Variants in CFAP91 observed in about 807,000 individuals in gnomAD.
CFAP91 encodes the protein cilia- and flagella-associated protein 91.
Under a neutral mutation model 95.9 loss-of-function variants are expected in CFAP91, and 85 were observed. That is an observed-to-expected ratio of 0.89 (90% CI 0.74 to 1.06). The LOEUF (loss-of-function observed/expected upper bound fraction) is 1.06. CFAP91 is among the 50% of genes least tolerant of loss of function. CFAP91 has a pLI of 0.00. For synonymous variants in CFAP91, 335 were observed against 327.5 expected (o/e 1.02, Z -0.25); for missense variants, 962 against 943.4 (o/e 1.02, Z -0.26).
At chr3:119,757,984 T>C (rs1204023631) in intron 17 of CFAP91, among the ~76,000 whole-genome samples, 2 of 152,232 alleles carry the variant, frequency 1.3e-5, no homozygotes, top group Non-Finnish European at 2.9e-5. Flanking sequence ...CTCAGTTCCA[T>C]GGACTTAACC....
rs2054607660 is a variant in CFAP91, at chr3:119,765,251, G to A, written c.*201G>A. 6.6e-6 allele frequency: 1 copy of A among 152,086 alleles called. No homozygotes were observed. Among genetic ancestry groups the A allele is most frequent in the Non-Finnish European group, 1.5e-5 (1 of 68,014 alleles). The allele number at this position is 152,086 out of a possible 1,614,324, so 9.4% of individuals were successfully genotyped here. A position where few individuals can be genotyped will look rare whatever the true frequency, so the allele number is the denominator to read the frequency against. On this transcript the variant is annotated 3_prime_UTR_variant, in exon 18 of 18. Transcript: ENST00000273390. ...AAATGAAAAAGCTTCATTCTCTTCA[G>A]TGTCTTCTAGATGCCCTACTTAAAG... is the stretch of plus-strand genomic sequence containing the variant.
chr3:119,758,769 G>A (rs902549128), intron 17 of CFAP91, among the ~76,000 whole-genome samples: 4 of 152,028 alleles, frequency 2.6e-5, no homozygotes, highest in African/African-American at 9.7e-5. Flanking sequence ...ATAGGGATGA[G>A]ATGAGATAGG....
chr3:119,733,252 C>G (rs2107889101), intron 9 of CFAP91, 112 bp from the exon 10 acceptor site: 2 of 1,082,342 alleles, frequency 1.8e-6, no homozygotes, highest in East Asian at 5.1e-5. Context: ...GATACACCCT[C>G]TCAACAATTC....
intron 17 of CFAP91, among the ~76,000 whole-genome samples, chr3:119,756,038 T>C (rs2054420765): frequency 6.6e-6 from 1 of 152,180 alleles, no homozygotes; most frequent in Non-Finnish European, 1.5e-5. Context: ...GGAGATCATA[T>C]GGAATACGAA....
At chr3:119,738,219 T>G (rs1018434255) in intron 11 of CFAP91, among the ~76,000 whole-genome samples, 11 of 151,814 alleles carry the variant, frequency 7.2e-5, no homozygotes, top group Admixed American at 3.3e-4. Context: ...TTACTACCTC[T>G]GATGAGTGGC....
intron 6 of CFAP91, among the ~76,000 whole-genome samples, chr3:119,724,121 T>G (rs2053735286): frequency 6.7e-6 from 1 of 148,540 alleles, no homozygotes; most frequent in African/African-American, 2.5e-5. Context: ...GGAGCCGAGA[T>G]CGTGCCATTG....
chr3:119,716,582 T>G (rs2107864979), intron 6 of CFAP91, among the ~76,000 whole-genome samples: 1 of 152,312 alleles, frequency 6.6e-6, no homozygotes, highest in South Asian at 2.1e-4. Flanking sequence ...GATTAAGCAT[T>G]ATCAACACCC....
At chr3:119,739,207 G>A in intron 11 of CFAP91, 48 bp from the exon 12 acceptor site, 1 of 1,449,296 alleles carries the variant, frequency 6.9e-7, no homozygotes, top group Non-Finnish European at 9.7e-7. Flanking sequence ...TTTGATGCTT[G>A]GACTACTGCA....
intron 10 of CFAP91, among the ~76,000 whole-genome samples, chr3:119,735,817 CT>C (rs1029507814): frequency 6.6e-6 from 1 of 152,096 alleles, no homozygotes; most frequent in African/African-American, 2.4e-5. Context: ...TCAGCCAATA[CT>C]TTTTTACTTT....
At chr3:119,731,852 G>C (rs1323725145) in intron 8 of CFAP91, among the ~76,000 whole-genome samples, 2 of 152,218 alleles carry the variant, frequency 1.3e-5, no homozygotes, top group East Asian at 3.8e-4. Context: ...AGCTGAGACA[G>C]TCTTTGGTTT....
intron 2 of CFAP91, 166 bp downstream of exon 2, chr3:119,707,051 C>A: frequency 3.3e-6 from 2 of 600,146 alleles, no homozygotes; most frequent in South Asian, 4.3e-5. Context: ...ATACGTGTGG[C>A]TCATTGTGAG....
At chr3:119,728,398 C>T (rs2053827608) in intron 7 of CFAP91, among the ~76,000 whole-genome samples, 1 of 152,162 alleles carries the variant, frequency 6.6e-6, no homozygotes, top group Non-Finnish European at 1.5e-5. Flanking sequence ...CCAGATTATG[C>T]TGCACTCTTA....
chr3:119,766,942 C>G lies in CFAP91; in HGVS notation c.*1892C>G, dbSNP rs952717488. The G allele has an allele frequency of 2.0e-5, 3 of 152,156 alleles. No homozygotes were observed. Among genetic ancestry groups the G allele is most frequent in the Non-Finnish European group, 2.9e-5 (2 of 68,028 alleles). The allele number at this position is 152,156 out of a possible 1,614,324, so 9.4% of individuals were successfully genotyped here. A position where few individuals can be genotyped will look rare whatever the true frequency, so the allele number is the denominator to read the frequency against. Reference sequence around the variant, plus strand: ...GGAAAATACAAGTTGTTATACAATTCTCATTGACTAATTGAAGTTTACTAG... The same window carrying G: ...GGAAAATACAAGTTGTTATACAATTGTCATTGACTAATTGAAGTTTACTAG... On this transcript the variant is annotated 3_prime_UTR_variant, in exon 18 of 18. Coordinates refer to ENST00000273390, the MANE Select transcript of CFAP91 (RefSeq NM_033364.4).
chr3:119,728,684 G>A (rs1013560641), intron 7 of CFAP91, among the ~76,000 whole-genome samples: 1 of 152,152 alleles, frequency 6.6e-6, no homozygotes, highest in Admixed American at 6.5e-5. Flanking sequence ...CCCTGCCAGT[G>A]TGACATCTTG....
At chr3:119,746,160 A>G (rs2054216034) in intron 14 of CFAP91, among the ~76,000 whole-genome samples, 1 of 152,230 alleles carries the variant, frequency 6.6e-6, no homozygotes, top group Non-Finnish European at 1.5e-5. Flanking sequence ...ATTATAGAGA[A>G]AAGAAAGTGT....
chr3:119,724,527 T>TA (rs2053744226), intron 6 of CFAP91, among the ~76,000 whole-genome samples: 1 of 152,108 alleles, frequency 6.6e-6, no homozygotes, highest in Non-Finnish European at 1.5e-5. Flanking sequence ...AATATGTAGA[T>TA]ACATATATAT....
chr3:119,707,790 G>C (rs1378953213), intron 3 of CFAP91, among the ~76,000 whole-genome samples: 1 of 148,914 alleles, frequency 6.7e-6, no homozygotes, highest in Non-Finnish European at 1.5e-5. Context: ...ACCAAAGGTA[G>C]GGATGATTGA....
chr3:119,758,325 TGC>T (rs1375168395), intron 17 of CFAP91, among the ~76,000 whole-genome samples: 6 of 152,242 alleles, frequency 3.9e-5, no homozygotes, highest in Non-Finnish European at 7.3e-5. Flanking sequence ...AAAACTTACA[TGC>T]AGAGCTTATG....
chr3:119,740,673 A>G lies in CFAP91; in HGVS notation c.1658A>G (p.Gln553Arg). ...EKQVTLALQR[Q>R]RNLHEHKVSL... ...CAAGTGACCCTGGCCTTACAGCGGC[A>G]GAGGAACTTGCATGAGCACAAGGTT... The change falls in exon 13 of 18, where the codon CAG becomes CGG. Residue 553 changes from glutamine (Q) to arginine (R), a missense_variant. Coordinates refer to ENST00000273390, the MANE Select transcript of CFAP91 (RefSeq NM_033364.4). 6.2e-7 allele frequency: 1 copy of G among 1,614,200 alleles called. No homozygotes were observed. Among genetic ancestry groups the G allele is most frequent in the Non-Finnish European group, 8.5e-7 (1 of 1,180,008 alleles).
Sources: allele counts gnomAD v4.1 joint callset (sites outside exome capture counted in the v4.1 genomes callset), GRCh38; gene constraint gnomAD v4.1.1; transcripts MANE v1.5; gene names NCBI Gene and HGNC (gene_info 2026-07-23, HGNC 2026-07-21).